The following PHIP variants were observed in gnomAD, a reference collection of about 807,000 sequenced individuals.
PHIP encodes PHIP subunit of CUL4-Ring ligase complex.
Under a neutral mutation model 236.8 loss-of-function variants are expected in PHIP, and 54 were observed. The observed-to-expected ratio is 0.23, with a 90% CI of 0.18 to 0.29. PHIP has a LOEUF of 0.29. PHIP is among the 10% of genes least tolerant of loss of function. PHIP has a pLI of 1.00. For synonymous variants in PHIP, 756 were observed against 718.9 expected (o/e 1.05, Z -0.83); for missense variants, 1,370 against 2,190.8 (o/e 0.63, Z 7.48).
chr6:78,962,866 A>C (rs1052962265), intron 30 of PHIP, among the ~76,000 whole-genome samples: 5 of 152,096 alleles, frequency 3.3e-5, no homozygotes, highest in African/African-American at 1.2e-4. Context: ...TGCCTCTGGC[A>C]CTTCTAGGAG....
At chr6:78,955,586 TG>T in intron 33 of PHIP, 26 bp downstream of exon 33, 1 of 737,050 alleles carries the variant, frequency 1.4e-6, no homozygotes, top group Non-Finnish European at 2.4e-6. Context: ...AATATCAATA[TG>T]GTAATAATAA....
At chr6:79,032,902 A>C (rs897092167) in intron 7 of PHIP, among the ~76,000 whole-genome samples, 11 of 152,104 alleles carry the variant, frequency 7.2e-5, no homozygotes, top group Non-Finnish European at 1.0e-4. Context: ...GTATTTCTTA[A>C]ATAAGACTTG....
At chr6:79,008,599 C>A (rs1339160954) in intron 15 of PHIP, among the ~76,000 whole-genome samples, 1 of 151,970 alleles carries the variant, frequency 6.6e-6, no homozygotes, top group Non-Finnish European at 1.5e-5. Flanking sequence ...GGATTGTGAC[C>A]CCTTTTCCAT....
At position 78,970,770 on chromosome 6, in the gene PHIP, C is replaced by A. The variant is rs763230116; in HGVS notation, c.2997+11G>T. 6.6e-7 allele frequency: 1 copy of A among 1,515,536 alleles called. No homozygotes were observed. Among genetic ancestry groups the A allele is most frequent in the East Asian group, 2.3e-5 (1 of 44,244 alleles). 93.9% of individuals were successfully genotyped at this position (1,515,536 alleles called of 1,614,324 possible). ...TTTTTGGGGCTATTAAATAATAAAT[C>A]AATGTCATACCCGTAGCTCCATTTT... On this transcript the variant is annotated intron_variant, in intron 25 of 39. Coordinates refer to ENST00000275034, the MANE Select transcript of PHIP (RefSeq NM_017934.7).
chr6:79,001,343 T>G (rs1244092792), intron 17 of PHIP, among the ~76,000 whole-genome samples: 2 of 152,090 alleles, frequency 1.3e-5, no homozygotes, highest in Non-Finnish European at 2.9e-5. Context: ...ACTTTCCATG[T>G]CAATCCTCTT....
intron 22 of PHIP, among the ~76,000 whole-genome samples, chr6:78,985,125 T>C (rs1768783882): frequency 6.6e-6 from 1 of 152,100 alleles, no homozygotes; most frequent in Non-Finnish European, 1.5e-5. Flanking sequence ...GAAACAATAC[T>C]AAGATGATAA....
chr6:79,003,659 C>T, intron 16 of PHIP, 71 bp downstream of exon 16: 1 of 1,093,536 alleles, frequency 9.1e-7, no homozygotes, highest in Non-Finnish European at 1.3e-6. Flanking sequence ...CTCACCCACT[C>T]CAAAAACATA....
chr6:79,021,663 G>C (rs189051637), intron 9 of PHIP, among the ~76,000 whole-genome samples: 29 of 152,258 alleles, frequency 1.9e-4, no homozygotes, highest in African/African-American at 6.7e-4. Flanking sequence ...CTTATTTTGG[G>C]GATCTAAAAA....
intron 24 of PHIP, 57 bp downstream of exon 24, chr6:78,978,535 T>TA (rs773550586): frequency 1.3e-5 from 19 of 1,433,486 alleles, no homozygotes; most frequent in Non-Finnish European, 1.7e-5. Flanking sequence ...CAAGAGCTGT[T>TA]AAAAAATGTT....
intron 39 of PHIP, among the ~76,000 whole-genome samples, chr6:78,941,943 T>C (rs928447448): frequency 2.6e-5 from 4 of 152,128 alleles, no homozygotes; most frequent in Non-Finnish European, 4.4e-5. Flanking sequence ...GATCTGGAGA[T>C]GATGAATTAC....
intron 9 of PHIP, among the ~76,000 whole-genome samples, chr6:79,019,629 CTAA>C (rs1304748748): frequency 1.3e-5 from 2 of 152,056 alleles, no homozygotes; most frequent in Non-Finnish European, 2.9e-5. Flanking sequence ...CTTTGACCTA[CTAA>C]TGTGATAAAA....
chr6:78,991,846 GTTC>G (rs1286973118), intron 19 of PHIP, among the ~76,000 whole-genome samples: 2 of 145,852 alleles, frequency 1.4e-5, no homozygotes, highest in Admixed American at 6.8e-5. Context: ...TAATTTTTTT[GTTC>G]TTAATTTTTT....
intron 9 of PHIP, among the ~76,000 whole-genome samples, chr6:79,023,813 C>G (rs1486142298): frequency 6.6e-6 from 1 of 152,100 alleles, no homozygotes; most frequent in South Asian, 2.1e-4. Flanking sequence ...TCAAGAAGCA[C>G]AAATAAGGTG....
chr6:79,024,524 G>A (rs963695895), intron 9 of PHIP, among the ~76,000 whole-genome samples: 2 of 152,156 alleles, frequency 1.3e-5, no homozygotes, highest in Non-Finnish European at 2.9e-5. Context: ...TGGTATAGAG[G>A]CTGGGCACGG....
chr6:78,944,334 C>G (rs1773684883), intron 39 of PHIP, among the ~76,000 whole-genome samples: 1 of 152,144 alleles, frequency 6.6e-6, no homozygotes, highest in Non-Finnish European at 1.5e-5. Flanking sequence ...TGTACGTACA[C>G]ACATCCACAT....
intron 7 of PHIP, among the ~76,000 whole-genome samples, chr6:79,033,321 T>G (rs937244112): frequency 5.3e-5 from 8 of 152,192 alleles, no homozygotes; most frequent in Non-Finnish European, 2.9e-5. Context: ...GGCATTGACT[T>G]CTCTCTAATT....
intron 24 of PHIP, among the ~76,000 whole-genome samples, chr6:78,972,010 C>T (rs1281325229): frequency 1.3e-5 from 2 of 150,266 alleles, no homozygotes; most frequent in African/African-American, 2.4e-5. Flanking sequence ...GAAGCTCGAA[C>T]TGGGTGGAGC....
intron 6 of PHIP, among the ~76,000 whole-genome samples, chr6:79,054,774 A>G (rs946760358): frequency 2.0e-5 from 3 of 151,968 alleles, no homozygotes; most frequent in Non-Finnish European, 2.9e-5. Flanking sequence ...TACCAGCTAC[A>G]GAAAATTCAA....
chr6:78,956,850 G>A (rs1445974962), intron 32 of PHIP: 1 of 151,802 alleles, frequency 6.6e-6, no homozygotes. Context: ...CTTACTACTT[G>A]TCACAGTTTT....
Sources: gnomAD v4.1 joint callset for allele counts (sites outside exome capture counted in the v4.1 genomes callset) on GRCh38, gnomAD v4.1.1 for gene constraint, MANE v1.5 for transcripts, NCBI Gene and HGNC (gene_info 2026-07-23, HGNC 2026-07-21) for gene names.